Variants in RBFOX1 observed in about 807,000 individuals in gnomAD.
RBFOX1 encodes RNA binding fox-1 homolog 1, also known as RNA binding protein fox-1 homolog 1.
A neutral mutation model predicts 57.7 loss-of-function variants in RBFOX1; 8 were observed. That is an observed-to-expected ratio of 0.14 (90% confidence interval 0.08 to 0.25). The LOEUF is 0.25. RBFOX1 is among the 10% of genes least tolerant of loss of function. RBFOX1 has a pLI of 1.00. For synonymous variants in RBFOX1, 326 were observed against 222.4 expected (o/e 1.47, Z -4.15); for missense variants, 611 against 548.5 (o/e 1.11, Z -1.14).
intron 2 of RBFOX1, among the ~76,000 whole-genome samples, chr16:6,597,498 C>A (rs765525884): frequency 3.5e-4 from 53 of 152,108 alleles, no homozygotes; most frequent in South Asian, 2.1e-4. Context: ...ATGGTGAAAC[C>A]CTGTCTCTAC....
intron 12 of RBFOX1, among the ~76,000 whole-genome samples, chr16:7,656,880 G>C (rs541930058): frequency 6.6e-6 from 1 of 152,272 alleles, no homozygotes; most frequent in South Asian, 2.1e-4. Flanking sequence ...TCCCAGAAGA[G>C]AAGAAATATG....
chr16:7,561,592 C>G (rs550001143), intron 5 of RBFOX1, among the ~76,000 whole-genome samples: 33 of 152,278 alleles, frequency 2.2e-4, no homozygotes, highest in African/African-American at 7.2e-4. Context: ...TCGGTGTTCA[C>G]AAAGAATGAT....
chr16:6,805,471 G>GTACC (rs1199968936), intron 3 of RBFOX1, among the ~76,000 whole-genome samples: 2 of 152,034 alleles, frequency 1.3e-5, no homozygotes, highest in African/African-American at 2.4e-5. Context: ...GAAATAATCT[G>GTACC]TACCATCCCC....
At chr16:6,521,000 G>A (rs1439997298) in intron 2 of RBFOX1, among the ~76,000 whole-genome samples, 3 of 152,090 alleles carry the variant, frequency 2.0e-5, no homozygotes, top group South Asian at 2.1e-4. Context: ...TAAATTTTCC[G>A]AAGGGTAATT....
At chr16:6,368,344 C>T (rs2089965479) in intron 2 of RBFOX1, among the ~76,000 whole-genome samples, 1 of 152,192 alleles carries the variant, frequency 6.6e-6, no homozygotes, top group Admixed American at 6.5e-5. Flanking sequence ...AAGGGCAGAA[C>T]CAGATAATGA....
At chr16:7,186,122 C>G (rs953870850) in intron 4 of RBFOX1, among the ~76,000 whole-genome samples, 3 of 151,570 alleles carry the variant, frequency 2.0e-5, no homozygotes, top group African/African-American at 7.3e-5. Context: ...ATATGTACAA[C>G]CATTGTAAAG....
intron 1 of RBFOX1, among the ~76,000 whole-genome samples, chr16:5,280,853 G>T: frequency 1.3e-5 from 2 of 149,798 alleles, no homozygotes; most frequent in Non-Finnish European, 1.5e-5. Flanking sequence ...CCTCACTAGT[G>T]GTTTATCAAT....
chr16:7,218,513 G>C (rs1364413219), intron 4 of RBFOX1, among the ~76,000 whole-genome samples: 1 of 152,076 alleles, frequency 6.6e-6, no homozygotes, highest in Non-Finnish European at 1.5e-5. Context: ...CAGTAACTAG[G>C]TGTCACTCTT....
At chr16:6,976,341 C>G (rs529746944) in intron 3 of RBFOX1, among the ~76,000 whole-genome samples, 1 of 152,222 alleles carries the variant, frequency 6.6e-6, no homozygotes, top group African/African-American at 2.4e-5. Context: ...CTCCTCTATC[C>G]TTGTTCTAGC....
At chr16:6,544,143 G>C (rs4786100) in intron 2 of RBFOX1, among the ~76,000 whole-genome samples, 150,184 of 152,288 alleles carry the variant, frequency 0.99, 74,093 homozygotes, top group Middle Eastern at 1. Flanking sequence ...CCAGTAGATT[G>C]AACCGAGTAA....
intron 3 of RBFOX1, among the ~76,000 whole-genome samples, chr16:5,864,276 G>T (rs968303607): frequency 6.6e-6 from 1 of 152,162 alleles, no homozygotes; most frequent in Non-Finnish European, 1.5e-5. Flanking sequence ...TCTTGTTAAC[G>T]CTAAAGTGGT....
intron 3 of RBFOX1, among the ~76,000 whole-genome samples, chr16:6,909,475 A>T (rs968734884): frequency 6.6e-6 from 1 of 152,226 alleles, no homozygotes; most frequent in Non-Finnish European, 1.5e-5. Flanking sequence ...CGATGCAGGC[A>T]TCTTTGGCAT....
chr16:6,142,260 C>T (rs1302051398), intron 1 of RBFOX1, among the ~76,000 whole-genome samples: 2 of 132,668 alleles, frequency 1.5e-5, no homozygotes, highest in African/African-American at 2.8e-5. Flanking sequence ...CTTGCTCTGT[C>T]ACCCAGGCTG....
chr16:6,668,718 G>C (rs1033426637), intron 3 of RBFOX1, among the ~76,000 whole-genome samples: 2 of 152,056 alleles, frequency 1.3e-5, no homozygotes, highest in Admixed American at 1.3e-4. Context: ...TCATCTCTTT[G>C]AAATTTTGTA....
intron 1 of RBFOX1, among the ~76,000 whole-genome samples, chr16:5,287,856 G>C (rs1295713389): frequency 6.6e-6 from 1 of 152,224 alleles, no homozygotes; most frequent in Non-Finnish European, 1.5e-5. Context: ...AGGAACTGCA[G>C]AGACAAATGG....
intron 3 of RBFOX1, among the ~76,000 whole-genome samples, chr16:6,798,476 G>T (rs1283083743): frequency 3.9e-5 from 6 of 152,164 alleles, no homozygotes; most frequent in Non-Finnish European, 7.3e-5. Flanking sequence ...ATGGCAGGGA[G>T]CTGAAACATT....
chr16:5,437,489 CA>C (rs1277338319), intron 1 of RBFOX1, among the ~76,000 whole-genome samples: 1 of 152,144 alleles, frequency 6.6e-6, no homozygotes, highest in Non-Finnish European at 1.5e-5. Context: ...TGTTATATTG[CA>C]AACTACCTAA....
At chr16:5,568,869 C>G (rs2046168043) in intron 2 of RBFOX1, among the ~76,000 whole-genome samples, 1 of 152,150 alleles carries the variant, frequency 6.6e-6, no homozygotes, top group Non-Finnish European at 1.5e-5. Context: ...GAGATGGAGT[C>G]TTGCTCTGTT....
chr16:7,013,114 A>T (rs1339818064), intron 3 of RBFOX1, among the ~76,000 whole-genome samples: 5 of 152,148 alleles, frequency 3.3e-5, no homozygotes, highest in African/African-American at 9.7e-5. Context: ...CCCATCTCCA[A>T]ATGTCTTTAG....
Sources: allele counts gnomAD v4.1 joint callset (sites outside exome capture counted in the v4.1 genomes callset), GRCh38; gene constraint gnomAD v4.1.1; transcripts MANE v1.5; gene names NCBI Gene and HGNC (gene_info 2026-07-23, HGNC 2026-07-21).